Variants in INTS6L observed in about 807,000 individuals in gnomAD.
INTS6L encodes integrator complex subunit 6 like, also known as integrator complex subunit 6-like.
A neutral mutation model predicts 64.7 loss-of-function variants in INTS6L; 18 were observed. The ratio of observed to expected loss-of-function variants is 0.28; its 90% CI spans 0.19 to 0.41. The LOEUF is 0.41. Ranked by LOEUF, INTS6L falls within the 10% of genes least tolerant of loss-of-function variation. The pLI, the probability that INTS6L is intolerant of heterozygous loss-of-function variation, is 1.00. For synonymous variants in INTS6L, 227 were observed against 235.9 expected, an observed-to-expected ratio of 0.96 and a Z score of 0.34; for missense variants, 533 against 661.0, an observed-to-expected ratio of 0.81 and a Z score of 2.12.
intron 8 of INTS6L, among the ~76,000 whole-genome samples, chrX:135,554,858 C>A (rs1556518480): frequency 2.1e-5 from 2 of 96,786 alleles, no homozygotes; most frequent in African/African-American, 7.6e-5. Context: ...TTAATCTTCA[C>A]TGAATGTTTA....
At position 135,521,297 on chromosome X, in the gene INTS6L, C is replaced by T; in HGVS notation, c.168C>T (p.Asp56=). Reference sequence around the variant, plus strand: ...ACAGGTACATGCTGGTCACCTACGACGAACCCCCGTACTGCATCAAGGTAA... The same window carrying T: ...ACAGGTACATGCTGGTCACCTACGATGAACCCCCGTACTGCATCAAGGTAA... ...RGDRYMLVTY[D]EPPYCIKAGW... is the part of the protein sequence containing the mutation. The change falls in exon 2 of 18, where the codon GAC becomes GAT. Residue 56 remains aspartate (D), a synonymous_variant. Coordinates refer to ENST00000639893, the MANE Select transcript of INTS6L (RefSeq NM_001351601.3). 8.3e-7 allele frequency: 1 copy of T among 1,205,914 alleles called. No individual in the cohort carries two copies. Among genetic ancestry groups the T allele is most frequent in the Non-Finnish European group, 1.1e-6 (1 of 892,748 alleles).
In INTS6L at chrX:135,574,060, A is replaced by C; in HGVS notation, c.1739A>C (p.Glu580Ala). ...CACAAGTTTATTGTTGGACAAGATG[A>C]AGGTAAAATAACTGTGAAATACTTT... ...KTHKFIVGQDEDSLHSVPVAQ... is the reference protein window; with the variant it reads ...KTHKFIVGQDADSLHSVPVAQ... The change falls in exon 13 of 18, where the codon GAA (glutamate) becomes GCA (alanine). Residue 580 changes from glutamate to alanine, a missense_variant and splice_region_variant. Physicochemically the swap from Glu to Ala is moderately radical, Grantham distance 107. Transcript: ENST00000639893. The C allele has an allele frequency of 8.4e-7, 1 of 1,185,204 alleles. No individual in the cohort carries two copies. The highest frequency in any genetic ancestry group is 1.9e-5 in the South Asian group (1 of 52,070).
chrX:135,576,289 C>A (rs1038625655), intron 14 of INTS6L, among the ~76,000 whole-genome samples: 7 of 99,131 alleles, frequency 7.1e-5, no homozygotes, highest in Admixed American at 7.0e-4. Context: ...GATCGTACCA[C>A]TGCGCTCCAG....
rs971433236 is a variant in INTS6L at position 135,551,985 on chromosome X, T to C, written c.907-9T>C. The C allele has an allele frequency of 7.1e-6, 8 of 1,119,949 alleles. No homozygotes were observed. The highest frequency in any genetic ancestry group is 9.4e-6 in the Non-Finnish European group (8 of 852,340). 92.3% of individuals were successfully genotyped at this position (1,119,949 alleles called of 1,213,427 possible). A position where few individuals can be genotyped will look rare whatever the true frequency, so the allele number is the denominator to read the frequency against. ...ATTTTTTCTGCTTTTTTTAAAAAAT[T>C]TTTTTTAGCCTCCACGAACATCTCA... On this transcript the variant is annotated splice_polypyrimidine_tract_variant and intron_variant, in intron 7 of 17. Transcript: ENST00000639893.
At chrX:135,577,109 T>C (rs782233983) in intron 14 of INTS6L, 84 bp from the exon 15 acceptor site, 29 of 834,736 alleles carry the variant, frequency 3.5e-5, no homozygotes, top group Non-Finnish European at 4.9e-5. Context: ...AGATTGATTA[T>C]GTATGCATAT....
intron 15 of INTS6L, among the ~76,000 whole-genome samples, chrX:135,578,015 G>A (rs1380082214): frequency 1.8e-5 from 2 of 111,937 alleles, no homozygotes; most frequent in Non-Finnish European, 3.8e-5. Context: ...GTGTACGTTG[G>A]GTGCTCAGAC....
rs1556529398 is a variant in INTS6L, at chrX:135,574,023, C to G, written c.1702C>G (p.Leu568Val). ...CCAGCTGACCAGAATGAGATCCAAT[C>G]TGCTGAAAACGCACAAGTTTATTGT... Reference protein sequence around the residue: ...LDQLTRMRSNLLKTHKFIVGQ... With the variant: ...LDQLTRMRSNVLKTHKFIVGQ... Residue 568 changes from leucine to valine, a missense_variant, in exon 13 of 18, where the codon CTG becomes GTG. Leu to Val is a conservative substitution (Grantham distance 32). Coordinates refer to ENST00000639893, the MANE Select transcript of INTS6L (RefSeq NM_001351601.3). 3 of 1,203,615 alleles carry G rather than the reference C, an allele frequency of 2.5e-6. No homozygotes were observed. The Admixed American group carries it at 6.7e-5, about 27-fold the overall frequency.
In INTS6L at chrX:135,520,829, A is replaced by C; in HGVS notation, c.-164A>C. ...GAGGAGGTGGGGCTGCAGAAAGAGG[A>C]GGCCAGGAGCGGTCCCATCCGTCCC... On this transcript the variant is annotated 5_prime_UTR_variant, in exon 1 of 18. Transcript: ENST00000639893. 6.2e-6 allele frequency: 3 copies of C among 481,652 alleles called. No individual in the cohort carries two copies. The South Asian group carries it at 1.0e-4, about 16-fold the overall frequency. 39.7% of individuals were successfully genotyped at this position (481,652 alleles called of 1,213,427 possible).
chrX:135,555,621 G>C (rs1455448947), intron 8 of INTS6L, among the ~76,000 whole-genome samples: 1 of 112,161 alleles, frequency 8.9e-6, no homozygotes, highest in African/African-American at 3.2e-5. Context: ...GTCTCTGAAT[G>C]GTTGTTGCAT....
chrX:135,521,109 G>A lies in INTS6L; in HGVS notation c.111+6G>A. ...CTGTGGAGTTATTCTTGAAGGTAAA[G>A]GGAGGGGAGGGGAGAGATGGGGAGA... is the stretch of plus-strand genomic sequence containing the variant. On this transcript the variant is annotated splice_donor_region_variant and intron_variant, in intron 1 of 17. Transcript: ENST00000639893. 1.7e-6 allele frequency: 2 copies of A among 1,204,153 alleles called. No individual in the cohort carries two copies. The highest frequency in any genetic ancestry group is 2.2e-6 in the Non-Finnish European group (2 of 889,333).
At chrX:135,558,510 T>C (rs2086697729) in intron 9 of INTS6L, among the ~76,000 whole-genome samples, 2 of 112,077 alleles carry the variant, frequency 1.8e-5, no homozygotes, top group African/African-American at 6.5e-5. Flanking sequence ...AGTGGACTTA[T>C]GCTAAGTGAA....
In INTS6L at chrX:135,551,999, A is replaced by G. The variant is rs139590472; in HGVS notation, c.912A>G (p.Pro304=). The change falls in exon 8 of 18, where the codon CCA becomes CCG. Residue 304 remains proline, a synonymous_variant. Transcript: ENST00000639893. The part of the protein sequence containing the change: ...WPDQNLPSLP[P]RTSHPVVRFS... ...TTTTAAAAAATTTTTTTTAGCCTCC[A>G]CGAACATCTCATCCTGTTGTGAGGT... 28 of 1,151,742 alleles carry G rather than the reference A, an allele frequency of 2.4e-5. No homozygotes were observed. The highest frequency in any genetic ancestry group is 3.0e-5 in the Non-Finnish European group (26 of 869,151). 94.9% of individuals were successfully genotyped at this position (1,151,742 alleles called of 1,213,427 possible).
At chrX:135,547,321 TTAAA>T (rs1479995118) in intron 6 of INTS6L, 56 bp downstream of exon 6, 1 of 1,116,786 alleles carries the variant, frequency 9.0e-7, no homozygotes, top group Non-Finnish European at 1.2e-6. Flanking sequence ...TGAGAAGACA[TTAAA>T]TAAATTACTA....
chrX:135,571,305 A>T (rs1408328125), intron 11 of INTS6L: 2 of 112,646 alleles, frequency 1.8e-5, no homozygotes, highest in African/African-American at 6.4e-5. Flanking sequence ...GTTATATGAC[A>T]AATTAATGCA....
intron 2 of INTS6L, among the ~76,000 whole-genome samples, chrX:135,531,808 C>G (rs782108924): frequency 8.9e-6 from 1 of 112,025 alleles, no homozygotes; most frequent in African/African-American, 3.2e-5. Flanking sequence ...CCTGCACTGT[C>G]TCTTCTACCC....
chrX:135,569,297 C>T, intron 9 of INTS6L, 40 bp from the exon 10 acceptor site: 2 of 931,136 alleles, frequency 2.1e-6, no homozygotes, highest in Non-Finnish European at 2.9e-6. Flanking sequence ...TCTTAGAGCT[C>T]AGGACTAGAA....
rs569095060 is a variant in INTS6L, at chrX:135,541,667, C to G, written c.190-3756C>G. ...GCCATGCCTATTTTATAGGGTTGTC[C>G]TAAGCCAATGTGAAGTGTGAAAGTG... On this transcript the variant is annotated intron_variant, in intron 2 of 17. Transcript: ENST00000639893. 5.3e-5 allele frequency among the ~76,000 whole-genome samples: 6 copies of G among 112,300 alleles called. No individual in the cohort carries two copies. The South Asian group carries it at 2.2e-3, about 41-fold the overall frequency.
chrX:135,525,495 A>G (rs1406767562), intron 2 of INTS6L, among the ~76,000 whole-genome samples: 1 of 112,407 alleles, frequency 8.9e-6, no homozygotes, highest in Non-Finnish European at 1.9e-5. Context: ...CATTTGAAAA[A>G]GTAAAATTTT....
chrX:135,577,292 C>T lies in INTS6L; in HGVS notation c.1984C>T (p.Arg662Trp). The change falls in exon 15 of 18, where the codon CGG becomes TGG. Residue 662 changes from arginine to tryptophan, a missense_variant. Arg to Trp is a moderately radical substitution (Grantham distance 101, BLOSUM62 -3). Transcript: ENST00000639893. Reference protein sequence around the residue: ...PNSPMSSKRRRSMSLLLRKPQ... With the variant: ...PNSPMSSKRRWSMSLLLRKPQ... ...CAGTCCTATGTCATCTAAGAGAAGGCGGAGTATGTCCCTGCTGTTGAGGAA... is the reference window on the plus strand; with the variant it reads ...CAGTCCTATGTCATCTAAGAGAAGGTGGAGTATGTCCCTGCTGTTGAGGAA... 2.5e-6 allele frequency: 3 copies of T among 1,211,515 alleles called. No individual in the cohort carries two copies. The highest frequency in any genetic ancestry group is 3.0e-5 in the East Asian group (1 of 33,841).
Sources: gnomAD v4.1 joint callset for allele counts (sites outside exome capture counted in the v4.1 genomes callset) on GRCh38, gnomAD v4.1.1 for gene constraint, MANE v1.5 for transcripts, NCBI Gene and HGNC (gene_info 2026-07-23, HGNC 2026-07-21) for gene names.